TMTC2: variants seen among roughly 807,000 people sequenced by gnomAD.
The protein encoded by TMTC2 is transmembrane O-mannosyltransferase targeting cadherins 2.
Under a neutral mutation model 82.4 loss-of-function variants are expected in TMTC2, and 43 were observed. The observed-to-expected ratio is 0.52, with a 90% CI of 0.41 to 0.67. TMTC2 has a LOEUF of 0.67. Ranked by LOEUF, TMTC2 falls within the 30% of genes least tolerant of loss-of-function variation. The pLI, the probability that TMTC2 is intolerant of heterozygous loss-of-function variation, is 0.00. For missense variants in TMTC2, 919 were observed against 1,012.4 expected (o/e 0.91, Z 1.25); for synonymous variants, 408 against 381.9 (o/e 1.07, Z -0.80).
chr12:82,921,733 A>G (rs1875404645), intron 3 of TMTC2, among the ~76,000 whole-genome samples: 1 of 152,106 alleles, frequency 6.6e-6, no homozygotes, highest in Admixed American at 6.6e-5. Flanking sequence ...ACTTCAGATA[A>G]ATGCTTTATT....
At chr12:83,031,908 C>A (rs1254210416) in intron 9 of TMTC2, among the ~76,000 whole-genome samples, 2 of 152,086 alleles carry the variant, frequency 1.3e-5, no homozygotes, top group Non-Finnish European at 2.9e-5. Flanking sequence ...AGCATTAATG[C>A]GGGATGGTAC....
chr12:82,764,677 A>C (rs982840334), intron 1 of TMTC2, among the ~76,000 whole-genome samples: 1 of 152,160 alleles, frequency 6.6e-6, no homozygotes, highest in Admixed American at 6.5e-5. Context: ...AAAGTTAAGG[A>C]CACCACGCCG....
intron 1 of TMTC2, among the ~76,000 whole-genome samples, chr12:82,748,949 G>A (rs1314477283): frequency 6.6e-6 from 1 of 152,130 alleles, no homozygotes; most frequent in African/African-American, 2.4e-5. Flanking sequence ...TATATATGTG[G>A]GTAAGCTTCT....
chr12:82,897,161 G>A (rs1472151690), intron 3 of TMTC2, among the ~76,000 whole-genome samples: 1 of 152,122 alleles, frequency 6.6e-6, no homozygotes, highest in Non-Finnish European at 1.5e-5. Flanking sequence ...ACACATTCAG[G>A]TATGAGTCAC....
chr12:83,019,450 A>T (rs74445418), intron 8 of TMTC2, among the ~76,000 whole-genome samples: 1 of 152,126 alleles, frequency 6.6e-6, no homozygotes, highest in Non-Finnish European at 1.5e-5. Flanking sequence ...CATTAGACAC[A>T]ATCAACTACT....
intron 11 of TMTC2, among the ~76,000 whole-genome samples, chr12:83,118,055 T>C (rs1884824822): frequency 6.6e-6 from 1 of 152,166 alleles, no homozygotes; most frequent in African/African-American, 2.4e-5. Flanking sequence ...TTATCAGTTT[T>C]AGGAGCTTTC....
chr12:83,004,997 C>T, intron 8 of TMTC2, among the ~76,000 whole-genome samples: 1 of 145,524 alleles, frequency 6.9e-6, no homozygotes, highest in Non-Finnish European at 1.5e-5. Context: ...ACTAAAAATA[C>T]AAAAAACAGC....
intron 11 of TMTC2, among the ~76,000 whole-genome samples, chr12:83,070,494 G>A (rs1389084229): frequency 6.6e-6 from 1 of 151,818 alleles, no homozygotes. Flanking sequence ...TCTTTGCTTG[G>A]TTGCTGTTGG....
chr12:82,791,074 T>G (rs943994459), intron 1 of TMTC2, among the ~76,000 whole-genome samples: 1 of 152,190 alleles, frequency 6.6e-6, no homozygotes, highest in Non-Finnish European at 1.5e-5. Flanking sequence ...CTGCTTTTCC[T>G]TCATGGAAAC....
intron 11 of TMTC2, among the ~76,000 whole-genome samples, chr12:83,094,832 A>T (rs1208942199): frequency 2.0e-5 from 3 of 152,190 alleles, no homozygotes; most frequent in African/African-American, 7.2e-5. Context: ...TGGAGGTCAA[A>T]CATATCTGAT....
intron 1 of TMTC2, chr12:82,759,623 A>G (rs1164885455): frequency 6.6e-6 from 1 of 152,212 alleles, no homozygotes; most frequent in Admixed American, 6.5e-5. Flanking sequence ...AACTTTTAAT[A>G]AGAGTAATTT....
In TMTC2 at chr12:82,936,161, A is replaced by G. The variant is rs1876306722; in HGVS notation, c.1598+5616A>G. ...TTCTTGGAAAATATTAATGGTCAAT[A>G]TTGGCCCAAGAAAAGATGGGCAATC... On this transcript the variant is annotated intron_variant, in intron 4 of 11. Coordinates refer to ENST00000321196, the MANE Select transcript of TMTC2 (RefSeq NM_152588.3). 3.3e-5 allele frequency among the ~76,000 whole-genome samples: 5 copies of G among 152,116 alleles called. No homozygotes were observed. The South Asian group carries it at 1.0e-3, about 31-fold the overall frequency.
rs1258673341 is a variant in TMTC2 at position 83,132,576 on chromosome 12, G to A, written c.*187G>A. 3.3e-6 allele frequency: 2 copies of A among 603,902 alleles called. No individual in the cohort carries two copies. Among genetic ancestry groups the A allele is most frequent in the African/African-American group, 1.9e-5 (1 of 51,602 alleles). The allele number at this position is 603,902 out of a possible 1,614,324, so 37.4% of individuals were successfully genotyped here. ...GGCACAGCTGTTAACACCAAAAAGG[G>A]GAAAGCCGGAAACCTCCTGGAGGAT... On this transcript the variant is annotated 3_prime_UTR_variant, in exon 12 of 12. Coordinates refer to ENST00000321196, the MANE Select transcript of TMTC2 (RefSeq NM_152588.3).
intron 9 of TMTC2, among the ~76,000 whole-genome samples, chr12:83,035,223 A>G (rs1358752539): frequency 1.3e-5 from 2 of 152,304 alleles, no homozygotes; most frequent in African/African-American, 2.4e-5. Flanking sequence ...TTAGAAGGCA[A>G]TATTTTAAAA....
intron 1 of TMTC2, among the ~76,000 whole-genome samples, chr12:82,732,187 C>G (rs1461860037): frequency 6.6e-6 from 1 of 152,098 alleles, no homozygotes; most frequent in Non-Finnish European, 1.5e-5. Context: ...ACTCCTGCTG[C>G]GTAATACCAA....
At chr12:83,002,344 T>A (rs1879965513) in intron 8 of TMTC2, among the ~76,000 whole-genome samples, 1 of 152,168 alleles carries the variant, frequency 6.6e-6, no homozygotes, top group African/African-American at 2.4e-5. Flanking sequence ...TCTCTGTCTT[T>A]TTTTCTTTGT....
In TMTC2 at chr12:83,036,983, T is replaced by G. The variant is rs192772143; in HGVS notation, c.2152+6104T>G. Among the ~76,000 whole-genome samples the G allele has an allele frequency of 2.5e-4, 38 of 152,236 alleles. No homozygotes were observed. In the Middle Eastern group the frequency reaches 0.014, roughly 55 times the overall value. ...AACTAATCCAGTCTCACCAGAGAACTCACTACCACTATAAGGGCACCAAGC... is the reference window on the plus strand; with the variant it reads ...AACTAATCCAGTCTCACCAGAGAACGCACTACCACTATAAGGGCACCAAGC... On this transcript the variant is annotated intron_variant, in intron 9 of 11. Coordinates refer to ENST00000321196, the MANE Select transcript of TMTC2 (RefSeq NM_152588.3).
At position 82,701,904 on chromosome 12, in the gene TMTC2, C is replaced by G. The variant is rs532302348; in HGVS notation, c.83+14235C>G. Among the ~76,000 whole-genome samples, 156 of 151,826 alleles carry G rather than the reference C, an allele frequency of 1.0e-3. 1 individual carries two copies. The highest frequency in any genetic ancestry group is 3.7e-3 in the African/African-American group (153 of 41,378). The stretch of plus-strand genomic sequence containing the variant: ...TAACAATTTTTTCTTTCCTCTTCAC[C>G]CCCATTTCCTTGAAAGAGAAAGATT... On this transcript the variant is annotated intron_variant, in intron 1 of 11. Coordinates refer to ENST00000321196, the MANE Select transcript of TMTC2 (RefSeq NM_152588.3).
chr12:82,924,306 A>G (rs567284381), intron 3 of TMTC2, among the ~76,000 whole-genome samples: 1 of 152,238 alleles, frequency 6.6e-6, no homozygotes, highest in Non-Finnish European at 1.5e-5. Flanking sequence ...TTGATTGGAT[A>G]CCAGGATAAT....
Sources: gnomAD v4.1 joint callset for allele counts (sites outside exome capture counted in the v4.1 genomes callset) on GRCh38, gnomAD v4.1.1 for gene constraint, MANE v1.5 for transcripts, NCBI Gene and HGNC (gene_info 2026-07-23, HGNC 2026-07-21) for gene names.